The following TSHZ2 variants were observed in gnomAD, a reference collection of about 807,000 sequenced individuals.
TSHZ2 encodes teashirt homolog 2.
TSHZ2 carries 21 observed loss-of-function variants against 74.4 expected under a neutral mutation model. That is an observed-to-expected ratio of 0.28 (90% CI 0.20 to 0.41). The LOEUF (loss-of-function observed/expected upper bound fraction) is 0.41. TSHZ2 is among the 10% of genes least tolerant of loss of function. The probability of loss-of-function intolerance (pLI) is 1.00; values close to 1 mark genes in which losing one functional copy is unlikely to be tolerated. For missense variants in TSHZ2, 1,244 were observed against 1,293.5 expected (o/e 0.96, Z 0.59); for synonymous variants, 540 against 515.3 (o/e 1.05, Z -0.65).
At chr20:53,363,790 G>A (rs146926596) in intron 2 of TSHZ2, among the ~76,000 whole-genome samples, 26 of 152,272 alleles carry the variant, frequency 1.7e-4, no homozygotes, top group African/African-American at 6.3e-4. Flanking sequence ...TCCAGCCTGA[G>A]TAACAAGCGA....
At chr20:53,091,831 C>T (rs1221630955) in intron 1 of TSHZ2, among the ~76,000 whole-genome samples, 2 of 152,086 alleles carry the variant, frequency 1.3e-5, no homozygotes, top group Non-Finnish European at 2.9e-5. Flanking sequence ...ATCACTAGAA[C>T]CCAGAAGTTC....
intron 1 of TSHZ2, among the ~76,000 whole-genome samples, chr20:53,109,014 G>T (rs1451340511): frequency 6.6e-6 from 1 of 151,926 alleles, no homozygotes; most frequent in African/African-American, 2.4e-5. Context: ...TCTCTTTTCA[G>T]CTGGAGGTAT....
chr20:53,438,758 C>T (rs192072546), intron 2 of TSHZ2, among the ~76,000 whole-genome samples: 25 of 152,154 alleles, frequency 1.6e-4, no homozygotes, highest in Admixed American at 1.4e-3. Context: ...GTCAGGAGTT[C>T]GAGACCAGCC....
chr20:53,021,683 T>C (rs1034982241), intron 1 of TSHZ2, among the ~76,000 whole-genome samples: 2 of 152,220 alleles, frequency 1.3e-5, no homozygotes, highest in African/African-American at 4.8e-5. Flanking sequence ...GAACTGATCA[T>C]AAGTCCAATG....
intron 2 of TSHZ2, among the ~76,000 whole-genome samples, chr20:53,285,040 G>A (rs923953129): frequency 6.6e-6 from 1 of 152,144 alleles, no homozygotes; most frequent in African/African-American, 2.4e-5. Flanking sequence ...AGAGTCAGAA[G>A]CACAGGAGAC....
chr20:53,283,268 A>G (rs1479771617), intron 2 of TSHZ2, among the ~76,000 whole-genome samples: 1 of 152,216 alleles, frequency 6.6e-6, no homozygotes, highest in African/African-American at 2.4e-5. Flanking sequence ...CTTCATTATC[A>G]CTGCCAGAAC....
chr20:53,185,254 G>A (rs775573184), intron 1 of TSHZ2: 263 of 1,009,236 alleles, frequency 2.6e-4, no homozygotes, highest in Non-Finnish European at 3.0e-4. Flanking sequence ...TAGAAGTGAT[G>A]CATAAAACCT....
chr20:53,008,223 AAGAGG>A (rs1201707750), intron 1 of TSHZ2, among the ~76,000 whole-genome samples: 2 of 152,190 alleles, frequency 1.3e-5, no homozygotes, highest in African/African-American at 2.4e-5. Context: ...ACTGGATGGA[AAGAGG>A]AGAGAAGTAG....
chr20:53,239,277 C>G (rs1990011930), intron 1 of TSHZ2, among the ~76,000 whole-genome samples: 1 of 152,120 alleles, frequency 6.6e-6, no homozygotes. Context: ...AAGTGTGTCT[C>G]TAATTTAGTG....
At chr20:53,453,908 T>G (rs751873686) in intron 2 of TSHZ2, among the ~76,000 whole-genome samples, 8 of 145,180 alleles carry the variant, frequency 5.5e-5, no homozygotes, top group Non-Finnish European at 8.8e-5. Flanking sequence ...CTAGGACCTC[T>G]TCTTCTAGAA....
chr20:53,177,103 C>T lies in TSHZ2; in HGVS notation c.41-76396C>T, dbSNP rs1004152102. Among the ~76,000 whole-genome samples, 4 of 152,124 alleles carry T rather than the reference C, an allele frequency of 2.6e-5. No individual in the cohort carries two copies. In the South Asian group the frequency reaches 6.2e-4, roughly 24 times the overall value. Reference sequence around the variant, plus strand: ...CTTAGTATGTTGTCCAGGCTGGCCTCGAACTCCTGGCCTCAAGTGATCCTC... The same window carrying T: ...CTTAGTATGTTGTCCAGGCTGGCCTTGAACTCCTGGCCTCAAGTGATCCTC... On this transcript the variant is annotated intron_variant, in intron 1 of 2. Transcript: ENST00000371497.
intron 1 of TSHZ2, among the ~76,000 whole-genome samples, chr20:53,012,350 C>T (rs564853000): frequency 6.6e-6 from 1 of 152,254 alleles, no homozygotes; most frequent in South Asian, 2.1e-4. Flanking sequence ...TGGGTGTGTT[C>T]CATCTCCTCG....
intron 1 of TSHZ2, among the ~76,000 whole-genome samples, chr20:53,149,179 GT>G (rs1231054828): frequency 0.017 from 2,400 of 139,918 alleles, 32 homozygotes; most frequent in African/African-American, 0.039. Flanking sequence ...CTCTTTTAGG[GT>G]TTTTTTTTTT....
intron 1 of TSHZ2, among the ~76,000 whole-genome samples, chr20:53,242,531 T>A (rs1990095213): frequency 6.6e-6 from 1 of 152,176 alleles, no homozygotes; most frequent in Admixed American, 6.6e-5. Context: ...TTGTAGGGTT[T>A]AAGGCAAGAA....
intron 2 of TSHZ2, among the ~76,000 whole-genome samples, chr20:53,384,476 G>C (rs1981973086): frequency 6.6e-6 from 1 of 152,148 alleles, no homozygotes; most frequent in Non-Finnish European, 1.5e-5. Flanking sequence ...TATCTTCTTT[G>C]TTTATGGCTT....
intron 1 of TSHZ2, among the ~76,000 whole-genome samples, chr20:53,000,509 AT>A (rs1982370400): frequency 6.6e-6 from 1 of 152,188 alleles, no homozygotes; most frequent in Non-Finnish European, 1.5e-5. Context: ...ATTAAAACTG[AT>A]TTCATGGATG....
chr20:53,369,134 G>A (rs574059948), intron 2 of TSHZ2, among the ~76,000 whole-genome samples: 2 of 152,192 alleles, frequency 1.3e-5, no homozygotes, highest in East Asian at 3.9e-4. Flanking sequence ...GTGTGGTGGT[G>A]CACACCTGTA....
intron 1 of TSHZ2, among the ~76,000 whole-genome samples, chr20:53,226,046 A>G (rs1051070862): frequency 6.6e-6 from 1 of 152,114 alleles, no homozygotes; most frequent in Non-Finnish European, 1.5e-5. Flanking sequence ...ATGATAAAGT[A>G]TGTATACATA....
intron 1 of TSHZ2, among the ~76,000 whole-genome samples, chr20:53,142,813 G>C (rs1987438120): frequency 7.2e-6 from 1 of 139,838 alleles, no homozygotes; most frequent in African/African-American, 2.6e-5. Flanking sequence ...GCCGGTAACA[G>C]TATTAAGATG....
Sources: gnomAD v4.1 joint callset for allele counts (sites outside exome capture counted in the v4.1 genomes callset) on GRCh38, gnomAD v4.1.1 for gene constraint, MANE v1.5 for transcripts, NCBI Gene and HGNC (gene_info 2026-07-23, HGNC 2026-07-21) for gene names.